KLHL12: variants seen among roughly 807,000 people sequenced by gnomAD.
KLHL12 encodes kelch-like protein 12.
In KLHL12, 17 loss-of-function variants were observed where a neutral mutation model predicts 60.8. The ratio of observed to expected loss-of-function variants is 0.28; its 90% CI spans 0.19 to 0.42. KLHL12 has a LOEUF of 0.42. Ranked by LOEUF, KLHL12 falls within the 10% of genes least tolerant of loss-of-function variation. The probability of loss-of-function intolerance (pLI) is 1.00; values close to 1 mark genes in which losing one functional copy is unlikely to be tolerated. For synonymous variants in KLHL12, 220 were observed against 250.9 expected (o/e 0.88, Z 1.16); for missense variants, 468 against 722.3 (o/e 0.65, Z 4.04).
chr1:202,894,924 T>TA lies in KLHL12; in HGVS notation c.1136-176dup, dbSNP rs1198427873. Among the ~76,000 whole-genome samples the TA allele has an allele frequency of 2.0e-5, 3 of 152,186 alleles. No homozygotes were observed. The East Asian group carries it at 5.8e-4, about 29-fold the overall frequency. On this transcript the variant is annotated intron_variant, in intron 8 of 11. Coordinates refer to ENST00000367261, the MANE Select transcript of KLHL12 (RefSeq NM_021633.4). ...AGGAAGACATCTAAAAAGAATGGGG[T>TA]AAAACAAAATCCTTAAAAGCATTCA...
chr1:202,895,230 A>G lies in KLHL12; in HGVS notation c.1135+292T>C, dbSNP rs1003467577. Among the ~76,000 whole-genome samples, 1 of 152,090 alleles carries G rather than the reference A, an allele frequency of 6.6e-6. No homozygotes were observed. Among genetic ancestry groups the G allele is most frequent in the Admixed American group, 6.6e-5 (1 of 15,256 alleles). On this transcript the variant is annotated intron_variant, in intron 8 of 11. Coordinates refer to ENST00000367261, the MANE Select transcript of KLHL12 (RefSeq NM_021633.4). The surrounding 1 kb of genome is among the most constrained non-coding windows in gnomAD (Gnocchi z 4.2). ...AACATGGCGAAACCCCATCTCTACT[A>G]AAAATACAAAAATATAGCTGGGCAT...
rs527647877 is a variant in KLHL12, at chr1:202,909,026, C to T, written c.816G>A (p.Arg272=). The change falls in exon 6 of 12, where the codon AGG becomes AGA. Residue 272 remains arginine (R), a synonymous_variant. Transcript: ENST00000367261. This position sits in a 1 kb window ranked among gnomAD's most constrained non-coding sequence, Gnocchi z 4.1. ...PELRSQMQGP[R]TRARLGANEV... ...CCAGCTTACCTAGGCGAGCCCTTGT[C>T]CTGGGTCCCTGCATCTGACTCCGAA... 334 of 1,613,352 alleles carry T rather than the reference C, an allele frequency of 2.1e-4. 3 individuals carry two copies. The South Asian group carries it at 3.4e-3, about 16-fold the overall frequency.
At chr1:202,924,131 T>C (rs1165628732) in intron 2 of KLHL12, among the ~76,000 whole-genome samples, 1 of 152,242 alleles carries the variant, frequency 6.6e-6, no homozygotes, top group Non-Finnish European at 1.5e-5. Context: ...TCAGCAGCCT[T>C]ACTATACATT....
intron 1 of KLHL12, among the ~76,000 whole-genome samples, chr1:202,925,627 T>C (rs1459930484): frequency 1.3e-5 from 2 of 152,226 alleles, no homozygotes; most frequent in Admixed American, 1.3e-4. Context: ...AGGATCCTGC[T>C]TTATATGTAT....
intron 10 of KLHL12, 60 bp downstream of exon 10, chr1:202,894,124 T>C: frequency 1.1e-6 from 1 of 918,384 alleles, no homozygotes; most frequent in Middle Eastern, 2.5e-4. Context: ...TGCACCACCA[T>C]TATATATGTA....
chr1:202,927,753 G>T (rs974969755), upstream of KLHL12, among the ~76,000 whole-genome samples: 1 of 150,878 alleles, frequency 6.6e-6, no homozygotes, highest in Non-Finnish European at 1.5e-5. Context: ...GCCGAGGCGG[G>T]TGTATTACTT....
intron 2 of KLHL12, among the ~76,000 whole-genome samples, chr1:202,920,736 T>C (rs569353267): frequency 1.4e-4 from 22 of 152,296 alleles, no homozygotes; most frequent in Middle Eastern, 3.4e-3. Context: ...CCAAATGAAG[T>C]AGGTAGTTAT....
At chr1:202,905,157 A>T (rs546188537) in intron 6 of KLHL12, among the ~76,000 whole-genome samples, 9 of 152,316 alleles carry the variant, frequency 5.9e-5, no homozygotes, top group African/African-American at 2.2e-4. Context: ...AAGACTATGA[A>T]GATATATAGA....
At chr1:202,918,654 G>A (rs920249198) in intron 3 of KLHL12, among the ~76,000 whole-genome samples, 9 of 152,092 alleles carry the variant, frequency 5.9e-5, no homozygotes, top group Admixed American at 2.0e-4. Flanking sequence ...CAGAGACCTG[G>A]CACAATTCAA....
At chr1:202,919,734 A>G in intron 3 of KLHL12, 21 bp downstream of exon 3, 1 of 1,582,534 alleles carries the variant, frequency 6.3e-7, no homozygotes, top group Non-Finnish European at 8.6e-7. Context: ...CATAAACAAT[A>G]GCAAGTTTTA....
chr1:202,896,031 G>A (rs566183122), intron 7 of KLHL12, among the ~76,000 whole-genome samples: 10 of 152,314 alleles, frequency 6.6e-5, no homozygotes, highest in Middle Eastern at 3.4e-3. Flanking sequence ...CTAAGAGACT[G>A]ATATCCTTCC....
intron 6 of KLHL12, among the ~76,000 whole-genome samples, chr1:202,903,485 G>T (rs1660080227): frequency 1.4e-5 from 2 of 144,808 alleles, no homozygotes; most frequent in African/African-American, 2.6e-5. Flanking sequence ...TTTGAGACAA[G>T]GTCTTGCTCT....
chr1:202,910,044 G>A (rs1660308535), intron 5 of KLHL12, among the ~76,000 whole-genome samples: 1 of 152,132 alleles, frequency 6.6e-6, no homozygotes, highest in South Asian at 2.1e-4. Context: ...GACCCAAGAA[G>A]TTCTTAGTCG....
intron 4 of KLHL12, among the ~76,000 whole-genome samples, chr1:202,914,420 C>T (rs1006412799): frequency 6.6e-6 from 1 of 152,128 alleles, no homozygotes; most frequent in African/African-American, 2.4e-5. Flanking sequence ...TAGAAGATGT[C>T]CTTGATCTTA....
chr1:202,919,911 G>A lies in KLHL12; in HGVS notation c.196-3C>T. The stretch of plus-strand genomic sequence containing the variant: ...TAAGGTTTCCCCTTCTCTGAGAGCT[G>A]AAAATTCAAAAGGTATAAAAGAATG... On this transcript the variant is annotated splice_polypyrimidine_tract_variant and splice_region_variant and intron_variant, in intron 2 of 11. Transcript: ENST00000367261. 1 of 1,611,562 alleles carries A rather than the reference G, an allele frequency of 6.2e-7. No homozygotes were observed. Among genetic ancestry groups the A allele is most frequent in the South Asian group, 1.1e-5 (1 of 90,614 alleles).
chr1:202,916,990 T>A (rs1660541608), intron 4 of KLHL12, among the ~76,000 whole-genome samples: 1 of 137,404 alleles, frequency 7.3e-6, no homozygotes, highest in Non-Finnish European at 1.6e-5. Context: ...AAAAAAAAAA[T>A]TAAAGAATTG....
chr1:202,893,186 T>G lies in KLHL12; in HGVS notation c.1580+53A>C. On this transcript the variant is annotated intron_variant, in intron 11 of 11. Coordinates refer to ENST00000367261, the MANE Select transcript of KLHL12 (RefSeq NM_021633.4). This position sits in a 1 kb window ranked among gnomAD's most constrained non-coding sequence, Gnocchi z 4.1. ...GTCCAAAAATGAGGATCAGATCACA[T>G]AGACTCTTGCTCTGGCTACATATTG... is the stretch of plus-strand genomic sequence containing the variant. The G allele has an allele frequency of 1.4e-6, 2 of 1,427,314 alleles. No homozygotes were observed. Among genetic ancestry groups the G allele is most frequent in the Non-Finnish European group, 1.9e-6 (2 of 1,048,730 alleles). The allele number at this position is 1,427,314 out of a possible 1,614,324, so 88.4% of individuals were successfully genotyped here.
At chr1:202,912,428 C>T (rs182320559) in intron 4 of KLHL12, 139 of 825,640 alleles carry the variant, frequency 1.7e-4, no homozygotes, top group Non-Finnish European at 2.7e-4. Context: ...TTGGTTTGGT[C>T]GTGGAGGTGG....
At chr1:202,922,171 A>G (rs1660712985) in intron 2 of KLHL12, among the ~76,000 whole-genome samples, 1 of 152,178 alleles carries the variant, frequency 6.6e-6, no homozygotes, top group African/African-American at 2.4e-5. Context: ...TTACAGTTAT[A>G]TTTTGCTTTA....
Sources: gnomAD v4.1 joint callset for allele counts (sites outside exome capture counted in the v4.1 genomes callset) on GRCh38, gnomAD v4.1.1 for gene constraint, Gnocchi (gnomAD v3.1) non-coding constraint, MANE v1.5 for transcripts, NCBI Gene and HGNC (gene_info 2026-07-23, HGNC 2026-07-21) for gene names.